ZZZ3: variants seen among roughly 807,000 people sequenced by gnomAD.
ZZZ3 encodes the protein zinc finger ZZ-type containing 3.
In ZZZ3, 22 loss-of-function variants were observed where a neutral mutation model predicts 95.2. The ratio of observed to expected loss-of-function variants is 0.23; its 90% CI spans 0.17 to 0.33. The LOEUF (loss-of-function observed/expected upper bound fraction) is 0.33. Ranked by LOEUF, ZZZ3 falls within the 10% of genes least tolerant of loss-of-function variation. The pLI is 1.00. For synonymous variants in ZZZ3, 335 were observed against 358.9 expected (o/e 0.93, Z 0.75); for missense variants, 885 against 1,066.5 (o/e 0.83, Z 2.37).
At chr1:77,627,435 T>G (rs1359750038) in intron 5 of ZZZ3, among the ~76,000 whole-genome samples, 1 of 152,140 alleles carries the variant, frequency 6.6e-6, no homozygotes, top group Non-Finnish European at 1.5e-5. Context: ...TTGAAAGAAA[T>G]TACTTTGACC....
intron 5 of ZZZ3, among the ~76,000 whole-genome samples, chr1:77,608,106 T>A (rs1322487956): frequency 6.6e-6 from 1 of 152,012 alleles, no homozygotes; most frequent in East Asian, 1.9e-4. Context: ...TTCAAAGGGA[T>A]AAGAACAGAG....
At chr1:77,605,180 C>A (rs879855670) in intron 5 of ZZZ3, among the ~76,000 whole-genome samples, 1 of 152,130 alleles carries the variant, frequency 6.6e-6, no homozygotes, top group Non-Finnish European at 1.5e-5. Context: ...CCACCCCTTC[C>A]CTATCCCCCA....
intron 11 of ZZZ3, among the ~76,000 whole-genome samples, chr1:77,577,809 C>T (rs1056469727): frequency 4.6e-5 from 7 of 152,120 alleles, no homozygotes; most frequent in Non-Finnish European, 7.4e-5. Context: ...TTAGTAGAGA[C>T]GGGGTTTCAC....
At chr1:77,641,318 T>G (rs533013158) in intron 3 of ZZZ3, 66 bp downstream of exon 3, 8 of 369,944 alleles carry the variant, frequency 2.2e-5, no homozygotes, top group Non-Finnish European at 2.4e-5. Context: ...ATAGGAAGAT[T>G]ATCCACTACG....
At chr1:77,654,510 A>T (rs1670097012) in intron 1 of ZZZ3, among the ~76,000 whole-genome samples, 1 of 152,198 alleles carries the variant, frequency 6.6e-6, no homozygotes, top group African/African-American at 2.4e-5. Flanking sequence ...TAATATTTTT[A>T]AAATAATACA....
At chr1:77,660,379 G>A (rs1047359211) in intron 1 of ZZZ3, among the ~76,000 whole-genome samples, 3 of 151,910 alleles carry the variant, frequency 2.0e-5, no homozygotes, top group African/African-American at 7.3e-5. Context: ...CATTAACTCC[G>A]CATATCCCCC....
chr1:77,597,811 G>A (rs911113877), intron 5 of ZZZ3, among the ~76,000 whole-genome samples: 1 of 152,092 alleles, frequency 6.6e-6, no homozygotes, highest in Non-Finnish European at 1.5e-5. Flanking sequence ...TATCCTACAT[G>A]GGATTCTGGA....
At chr1:77,648,521 C>G (rs1169270608) in intron 1 of ZZZ3, among the ~76,000 whole-genome samples, 5 of 151,856 alleles carry the variant, frequency 3.3e-5, no homozygotes. Context: ...ATTAAGCAAG[C>G]TAAGTAGAGA....
chr1:77,633,467 T>C, intron 4 of ZZZ3, 62 bp from the exon 5 acceptor site: 4 of 1,074,216 alleles, frequency 3.7e-6, no homozygotes, highest in East Asian at 2.6e-5. Flanking sequence ...AGAACGAAAG[T>C]ATAAAGCTAT....
chr1:77,662,174 C>T (rs184265118), intron 1 of ZZZ3, among the ~76,000 whole-genome samples: 8 of 152,098 alleles, frequency 5.3e-5, no homozygotes, highest in Middle Eastern at 3.4e-3. Flanking sequence ...CCACCACACC[C>T]GGCTAATTTT....
At chr1:77,588,405 C>T (rs552089251) in intron 5 of ZZZ3, among the ~76,000 whole-genome samples, 1 of 151,918 alleles carries the variant, frequency 6.6e-6, no homozygotes, top group African/African-American at 2.4e-5. Flanking sequence ...GAAATGAAAA[C>T]CTCCACTAGA....
At chr1:77,659,991 C>A (rs1343807537) in intron 1 of ZZZ3, among the ~76,000 whole-genome samples, 1 of 152,056 alleles carries the variant, frequency 6.6e-6, no homozygotes, top group Non-Finnish European at 1.5e-5. Flanking sequence ...TGCCACCACA[C>A]CCAGCTATTT....
intron 4 of ZZZ3, among the ~76,000 whole-genome samples, chr1:77,636,593 T>C (rs1280311254): frequency 6.6e-6 from 1 of 150,858 alleles, no homozygotes; most frequent in Non-Finnish European, 1.5e-5. Context: ...AGCCTGCCTG[T>C]AGTCCCAGGT....
At chr1:77,586,465 A>C (rs1570433155) in intron 5 of ZZZ3, among the ~76,000 whole-genome samples, 2 of 152,254 alleles carry the variant, frequency 1.3e-5, no homozygotes, top group African/African-American at 4.8e-5. Flanking sequence ...TGCTACAGTC[A>C]ATTACATTGG....
At chr1:77,661,047 C>T (rs1670731016) in intron 1 of ZZZ3, among the ~76,000 whole-genome samples, 2 of 144,398 alleles carry the variant, frequency 1.4e-5, no homozygotes, top group African/African-American at 5.2e-5. Context: ...GCTTTAATTG[C>T]TTTAACGCAA....
chr1:77,662,045 T>C (rs904580482), intron 1 of ZZZ3, among the ~76,000 whole-genome samples: 1 of 151,710 alleles, frequency 6.6e-6, no homozygotes, highest in Non-Finnish European at 1.5e-5. Context: ...GGATGGAGTT[T>C]TGCTCTGTCG....
chr1:77,639,570 G>T lies in ZZZ3; in HGVS notation c.-173C>A. 1.1e-6 allele frequency: 1 copy of T among 879,228 alleles called. No individual in the cohort carries two copies. Among genetic ancestry groups the T allele is most frequent in the Non-Finnish European group, 1.6e-6 (1 of 626,008 alleles). 54.5% of individuals were successfully genotyped at this position (879,228 alleles called of 1,614,324 possible). A position where few individuals can be genotyped will look rare whatever the true frequency, so the allele number is the denominator to read the frequency against. ...AGGGTTTCAGACTCTCTCAGCTTCAGCCATGAAGAATACTAGAACCTCCTA... is the reference window on the plus strand; with the variant it reads ...AGGGTTTCAGACTCTCTCAGCTTCATCCATGAAGAATACTAGAACCTCCTA... On this transcript the variant is annotated 5_prime_UTR_variant, in exon 4 of 15. It adds an upstream start codon to the 5' untranslated region. Transcript: ENST00000370801.
intron 5 of ZZZ3, among the ~76,000 whole-genome samples, chr1:77,611,570 A>G (rs185856118): frequency 1.6e-3 from 243 of 152,152 alleles, no homozygotes; most frequent in Middle Eastern, 3.4e-3. Flanking sequence ...AGCCGGAAGC[A>G]TCACACTCAA....
At position 77,632,819 on chromosome 1, in the gene ZZZ3, T is replaced by C. The variant is rs761948067; in HGVS notation, c.536A>G (p.Lys179Arg). 4 of 1,614,186 alleles carry C rather than the reference T, an allele frequency of 2.5e-6. No individual in the cohort carries two copies. In the South Asian group the frequency reaches 4.4e-5, roughly 18 times the overall value. ...LDDCEKREIK[K>R]VNVSEEGPLN... is the part of the protein sequence containing the mutation. The stretch of plus-strand genomic sequence containing the variant: ...TGGCCCTTCCTCACTGACATTCACC[T>C]TTTTAATTTCCCTTTTCTCACAATC... Residue 179 changes from lysine (K) to arginine (R), a missense_variant, in exon 5 of 15, where the codon AAG becomes AGG. Transcript: ENST00000370801.
Sources: allele counts gnomAD v4.1 joint callset (sites outside exome capture counted in the v4.1 genomes callset), GRCh38; gene constraint gnomAD v4.1.1; transcripts MANE v1.5; gene names NCBI Gene and HGNC (gene_info 2026-07-23, HGNC 2026-07-21).